Variants in CHD6 observed in about 807,000 individuals in gnomAD.
The protein encoded by CHD6 is ATP-dependent chromatin remodeler CHD6.
Under a neutral mutation model 276.9 loss-of-function variants are expected in CHD6, and 50 were observed. That is an observed-to-expected ratio of 0.18 (90% confidence interval 0.14 to 0.23). The LOEUF is 0.23. CHD6 is among the 10% of genes least tolerant of loss of function. The pLI is 1.00. For synonymous variants in CHD6, 1,173 were observed against 1,229.3 expected (o/e 0.95, Z 0.96); for missense variants, 2,564 against 3,365.8 (o/e 0.76, Z 5.89).
rs751044903 is a variant in CHD6, at chr20:41,421,998, C to T, written c.4637G>A (p.Arg1546Gln). The T allele has an allele frequency of 1.8e-5, 29 of 1,614,060 alleles. No individual in the cohort carries two copies. The highest frequency in any genetic ancestry group is 2.4e-5 in the Non-Finnish European group (28 of 1,180,040). Residue 1546 changes from arginine to glutamine, a missense_variant, in exon 31 of 37, where the codon CGG (arginine) becomes CAG (glutamine). Coordinates refer to ENST00000373233, the MANE Select transcript of CHD6 (RefSeq NM_032221.5). ...ARTLYRIELL[R>Q]KVREQVLKCP... ...CTTGAGCACTTGCTCTCGGACTTTCCGTAACAGTTCAATGCGGTACAGAGT... is the reference window on the plus strand; with the variant it reads ...CTTGAGCACTTGCTCTCGGACTTTCTGTAACAGTTCAATGCGGTACAGAGT...
At chr20:41,609,479 A>G (rs2045863087) in intron 1 of CHD6, among the ~76,000 whole-genome samples, 1 of 152,206 alleles carries the variant, frequency 6.6e-6, no homozygotes, top group South Asian at 2.1e-4. Context: ...CTTACAACAG[A>G]ATTAATGAGA....
chr20:41,412,371 T>C (rs2046866574), intron 35 of CHD6, 108 bp from the exon 36 acceptor site: 11 of 1,299,134 alleles, frequency 8.5e-6, no homozygotes, highest in Non-Finnish European at 1.2e-5. Context: ...AATGGTTGTC[T>C]GCACAGGAGC....
intron 2 of CHD6, chr20:41,548,011 G>A (rs1341092424): frequency 4.3e-6 from 1 of 235,048 alleles, no homozygotes. Context: ...TAAGGTCAGA[G>A]TTTCAATCCT....
At chr20:41,535,022 A>G (rs973044469) in intron 2 of CHD6, among the ~76,000 whole-genome samples, 1 of 152,136 alleles carries the variant, frequency 6.6e-6, no homozygotes, top group African/African-American at 2.4e-5. Flanking sequence ...TTTGCTTAGC[A>G]TGCAAGGGTG....
rs147370500 is a variant in CHD6 at position 41,426,126 on chromosome 20, C to T, written c.4096G>A (p.Val1366Ile). ...CTGTCATCCTTCTTTTCGCTAAAAACGCCATCACCTCCATCACTGGAACTC... is the reference window on the plus strand; with the variant it reads ...CTGTCATCCTTCTTTTCGCTAAAAATGCCATCACCTCCATCACTGGAACTC... ...TESSSDGGDG[V>I]FSEKKDDSRA... The change falls in exon 28 of 37, where the codon GTT (valine) becomes ATT (isoleucine). Residue 1366 changes from valine (V) to isoleucine (I), a missense_variant. Val to Ile is a conservative substitution (Grantham distance 29). Transcript: ENST00000373233. 1.9e-4 allele frequency: 309 copies of T among 1,613,386 alleles called. 1 individual carries two copies. The highest frequency in any genetic ancestry group is 3.8e-4 in the East Asian group (17 of 44,886).
intron 1 of CHD6, among the ~76,000 whole-genome samples, chr20:41,560,054 G>C (rs913350798): frequency 6.6e-6 from 1 of 151,852 alleles, no homozygotes; most frequent in African/African-American, 2.4e-5. Context: ...GTCGACTCCG[G>C]TTTATTCCCA....
intron 36 of CHD6, among the ~76,000 whole-genome samples, chr20:41,411,478 A>G (rs1483088843): frequency 6.6e-6 from 1 of 152,174 alleles, no homozygotes; most frequent in South Asian, 2.1e-4. Context: ...TTTGGGCAGA[A>G]AGTGCTTTTA....
At chr20:41,422,148 C>T in intron 30 of CHD6, 69 bp from the exon 31 acceptor site, 1 of 1,495,894 alleles carries the variant, frequency 6.7e-7, no homozygotes, top group Non-Finnish European at 9.0e-7. Context: ...ACCTGAGCCC[C>T]TGCATCTTTG....
intron 2 of CHD6, among the ~76,000 whole-genome samples, chr20:41,538,559 G>A (rs2044880480): frequency 6.6e-6 from 1 of 152,050 alleles, no homozygotes; most frequent in Admixed American, 6.5e-5. Flanking sequence ...AAATAGTGGC[G>A]ATGTTTACAC....
intron 1 of CHD6, among the ~76,000 whole-genome samples, chr20:41,553,386 G>A (rs6102462): frequency 0.37 from 55,895 of 152,116 alleles, 12,990 homozygotes; most frequent in African/African-American, 0.64. Flanking sequence ...GTCAGGCCCT[G>A]TCCTAAGTAA....
At chr20:41,537,814 G>A (rs1188490848) in intron 2 of CHD6, among the ~76,000 whole-genome samples, 3 of 152,194 alleles carry the variant, frequency 2.0e-5, no homozygotes, top group African/African-American at 4.8e-5. Context: ...ACTTAACAGT[G>A]TGACAGTCCT....
rs1391046913 is a variant in CHD6, at chr20:41,591,375, T to TACACACAC, written c.-24+26964_-24+26965insGTGTGTGT. Among the ~76,000 whole-genome samples the TACACACAC allele has an allele frequency of 5.6e-4, 68 of 121,098 alleles. 1 individual carries two copies. Among genetic ancestry groups the TACACACAC allele is most frequent in the Admixed American group, 3.1e-3 (37 of 12,092 alleles). 79.4% of individuals were successfully genotyped at this position (121,098 alleles called of 152,430 possible). On this transcript the variant is annotated intron_variant, in intron 1 of 36. Coordinates refer to ENST00000373233, the MANE Select transcript of CHD6 (RefSeq NM_032221.5). Reference sequence around the variant, plus strand: ...TAAAGTATAATTTTACATATATATATATATACACACACACACACACACACA... The same window carrying TACACACAC: ...TAAAGTATAATTTTACATATATATATACACACACATATACACACACACACACACACACA...
intron 1 of CHD6, chr20:41,564,001 A>G (rs2146191803): frequency 1.3e-6 from 1 of 769,160 alleles, no homozygotes; most frequent in Middle Eastern, 2.3e-4. Context: ...TTGTGGTAGA[A>G]CAGCAGTACC....
At position 41,403,228 on chromosome 20, in the gene CHD6, T is replaced by G. The variant is rs954244585; in HGVS notation, c.*1365A>C. The G allele has an allele frequency of 2.9e-6, 3 of 1,052,130 alleles. No individual in the cohort carries two copies. The highest frequency in any genetic ancestry group is 5.4e-5 in the Admixed American group (1 of 18,564). The allele number at this position is 1,052,130 out of a possible 1,614,324, so 65.2% of individuals were successfully genotyped here. A position where few individuals can be genotyped will look rare whatever the true frequency, so the allele number is the denominator to read the frequency against. On this transcript the variant is annotated 3_prime_UTR_variant, in exon 37 of 37. Transcript: ENST00000373233. The stretch of plus-strand genomic sequence containing the variant: ...AAAGTGAAACTGGTACTAGTAACAC[T>G]TGCAACATTTCCAAGGGTCCTGCGC...
chr20:41,424,334 G>A lies in CHD6; in HGVS notation c.4347-634C>T, dbSNP rs898987924. 3.3e-5 allele frequency among the ~76,000 whole-genome samples: 5 copies of A among 152,184 alleles called. No individual in the cohort carries two copies. The East Asian group carries it at 9.6e-4, about 29-fold the overall frequency. On this transcript the variant is annotated intron_variant, in intron 29 of 36. Transcript: ENST00000373233. ...CGAGTAAGTCAATGACTTAAGGGAGGTGGATAATTATATACCACCATAGCC... is the reference window on the plus strand; with the variant it reads ...CGAGTAAGTCAATGACTTAAGGGAGATGGATAATTATATACCACCATAGCC...
At position 41,493,851 on chromosome 20, in the gene CHD6, T is replaced by C. The variant is rs1428012040; in HGVS notation, c.1179+7A>G. 3.7e-6 allele frequency: 6 copies of C among 1,611,686 alleles called. No homozygotes were observed. The highest frequency in any genetic ancestry group is 5.1e-6 in the Non-Finnish European group (6 of 1,178,116). Reference sequence around the variant, plus strand: ...GGGAAGATGCTTCAGGAGAGGCAAATACCCACCTCCCCTGTTTCTGCATCC... The same window carrying C: ...GGGAAGATGCTTCAGGAGAGGCAAACACCCACCTCCCCTGTTTCTGCATCC... On this transcript the variant is annotated splice_region_variant and intron_variant, in intron 9 of 36. Transcript: ENST00000373233.
At chr20:41,471,736 T>C (rs1030070674) in intron 17 of CHD6, among the ~76,000 whole-genome samples, 2 of 151,932 alleles carry the variant, frequency 1.3e-5, no homozygotes, top group African/African-American at 2.4e-5. Context: ...GGGGTTTCAC[T>C]GTGTTAGTCA....
At chr20:41,602,080 T>C (rs1601186704) in intron 1 of CHD6, among the ~76,000 whole-genome samples, 1 of 152,204 alleles carries the variant, frequency 6.6e-6, no homozygotes, top group East Asian at 1.9e-4. Context: ...AATGAAAACT[T>C]AGTTGTTTCC....
intron 1 of CHD6, among the ~76,000 whole-genome samples, chr20:41,576,344 CTT>C (rs1488080591): frequency 1.3e-5 from 2 of 152,216 alleles, no homozygotes; most frequent in African/African-American, 4.8e-5. Flanking sequence ...GAATCAATCC[CTT>C]GAGGCCTTTA....
Sources: gnomAD v4.1 joint callset for allele counts (sites outside exome capture counted in the v4.1 genomes callset) on GRCh38, gnomAD v4.1.1 for gene constraint, MANE v1.5 for transcripts, NCBI Gene and HGNC (gene_info 2026-07-23, HGNC 2026-07-21) for gene names.